The following TET3 variants were observed in gnomAD, a reference collection of about 807,000 sequenced individuals.
TET3 encodes the protein tet methylcytosine dioxygenase 3.
A neutral mutation model predicts 141.4 loss-of-function variants in TET3; 19 were observed. The observed-to-expected ratio is 0.13, with a 90% CI of 0.09 to 0.20. The LOEUF (loss-of-function observed/expected upper bound fraction) is 0.20. Ranked by LOEUF, TET3 falls within the 10% of genes least tolerant of loss-of-function variation. The probability of loss-of-function intolerance (pLI) is 1.00; values close to 1 mark genes in which losing one functional copy is unlikely to be tolerated. For missense variants in TET3, 1,874 were observed against 2,356.9 expected (o/e 0.80, Z 4.24); for synonymous variants, 1,043 against 980.9 (o/e 1.06, Z -1.18).
intron 10 of TET3, among the ~76,000 whole-genome samples, chr2:74,096,864 G>A (rs984014938): frequency 1.3e-5 from 2 of 152,078 alleles, no homozygotes; most frequent in African/African-American, 4.8e-5. Flanking sequence ...GGCTGAGGTG[G>A]GAGGCTCACT....
chr2:74,122,508 TATA>T, the TET3 span: 905 of 86,626 alleles, frequency 0.01, 24 homozygotes, highest in African/African-American at 0.046. Context: ...TATATATATA[TATA>T]TTTTTTTTTT....
chr2:74,113,188 C>T, the TET3 span, among the ~76,000 whole-genome samples: 2 of 151,942 alleles, frequency 1.3e-5, no homozygotes, highest in African/African-American at 4.8e-5. Context: ...AGTTCGAGAC[C>T]AGCCTGGCCA....
intron 4 of TET3, among the ~76,000 whole-genome samples, chr2:74,061,359 C>T (rs1414104825): frequency 4.9e-5 from 6 of 122,210 alleles, no homozygotes; most frequent in Non-Finnish European, 6.9e-5. Flanking sequence ...GGCGGCTGGC[C>T]GGGTGGGGGG....
At chr2:74,089,067 C>T (rs1481417984) in intron 7 of TET3, among the ~76,000 whole-genome samples, 2 of 112,748 alleles carry the variant, frequency 1.8e-5, no homozygotes, top group African/African-American at 7.2e-5. Flanking sequence ...AGCAACAGAA[C>T]AGGATTCCGT....
chr2:74,100,803 G>A lies in TET3; in HGVS notation c.4015G>A (p.Glu1339Lys), dbSNP rs756901932. The A allele has an allele frequency of 2.7e-5, 43 of 1,612,492 alleles. No homozygotes were observed. The highest frequency in any genetic ancestry group is 1.3e-4 in the East Asian group (6 of 44,834). The change falls in exon 12 of 12, where the codon GAG becomes AAG. Residue 1339 changes from glutamate to lysine, a missense_variant. By Grantham distance (56) the Glu-to-Lys change is moderately conservative. Around this residue, in one of 10 missense-constraint regions of TET3, gnomAD observed 602 missense variants for 590.2 expected, o/e 1.02. Coordinates refer to ENST00000409262, the MANE Select transcript of TET3 (RefSeq NM_001287491.2). The stretch of plus-strand genomic sequence containing the variant: ...GGCCTACGGTGGTGCTGAGTTTGCC[G>A]AGCTGCCCAGCCAGGCTGTTCCCAC... ...SPAYGGAEFA[E>K]LPSQAVPTDA...
chr2:74,108,346 T>C (rs1225607519), downstream of TET3, among the ~76,000 whole-genome samples: 1 of 152,234 alleles, frequency 6.6e-6, no homozygotes, highest in African/African-American at 2.4e-5. Flanking sequence ...GATAAAGGAA[T>C]GTTCAGAGGC....
At chr2:74,082,666 CCTT>C (rs1360842032) in intron 6 of TET3, among the ~76,000 whole-genome samples, 1 of 152,108 alleles carries the variant, frequency 6.6e-6, no homozygotes, top group Non-Finnish European at 1.5e-5. Flanking sequence ...CTGGCCATCT[CCTT>C]TAGTGTGGTG....
rs946908644 is a variant in TET3, at chr2:74,034,051, G to A, written c.361-12227G>A. Among the ~76,000 whole-genome samples the A allele has an allele frequency of 1.7e-4, 26 of 151,926 alleles. No homozygotes were observed. The East Asian group carries it at 2.3e-3, about 14-fold the overall frequency. On this transcript the variant is annotated intron_variant, in intron 3 of 11. Transcript: ENST00000409262. ...GCGGAGGTTGCAGTGAGCCGAGATC[G>A]TGCCATTGCACTTTAGTCAGGGCAA...
At chr2:74,015,699 GA>G (rs1339938162) in intron 3 of TET3, among the ~76,000 whole-genome samples, 1 of 151,994 alleles carries the variant, frequency 6.6e-6, no homozygotes, top group Non-Finnish European at 1.5e-5. Flanking sequence ...TTTGTATATA[GA>G]TTTTTTTGGT....
chr2:74,016,788 C>CTT (rs1157485325), intron 3 of TET3, among the ~76,000 whole-genome samples: 4,487 of 122,392 alleles, frequency 0.037, 257 homozygotes, highest in African/African-American at 0.12. Flanking sequence ...GTTCTCCTGT[C>CTT]TTTTTTTTTT....
chr2:73,997,631 C>A (rs1207687212), intron 2 of TET3, among the ~76,000 whole-genome samples: 1 of 152,140 alleles, frequency 6.6e-6, no homozygotes, highest in Admixed American at 6.5e-5. Context: ...AGGCAGCCAG[C>A]CCCTCTCTCT....
Position 73,999,085 on chromosome 2 carries a change from A to C in TET3, c.304-4025A>C, listed in dbSNP as rs115774016. Among the ~76,000 whole-genome samples the C allele has an allele frequency of 3.6e-3, 555 of 152,298 alleles. 3 individuals carry two copies. The highest frequency in any genetic ancestry group is 0.013 in the African/African-American group (528 of 41,554). On this transcript the variant is annotated intron_variant, in intron 2 of 11. Transcript: ENST00000409262. ...GAAGCAGGGCTTAAACAGAGCTTTG[A>C]AGTAAAGCCCTGTGAAGAGTGACCT...
chr2:74,016,904 A>G (rs1183730484), intron 3 of TET3, among the ~76,000 whole-genome samples: 1 of 151,844 alleles, frequency 6.6e-6, no homozygotes, highest in Non-Finnish European at 1.5e-5. Flanking sequence ...AATCAGGGTA[A>G]TGAGAATATC....
chr2:74,051,941 C>T (rs956446883), intron 4 of TET3, among the ~76,000 whole-genome samples: 3 of 152,206 alleles, frequency 2.0e-5, no homozygotes, highest in African/African-American at 7.2e-5. Context: ...GAAACAGCTT[C>T]TGGAGGGCCT....
intron 11 of TET3, 100 bp downstream of exon 11, chr2:74,099,712 G>A (rs1691060012): frequency 2.4e-6 from 3 of 1,244,992 alleles, no homozygotes; most frequent in Non-Finnish European, 3.3e-6. Flanking sequence ...TGGAACTGGG[G>A]CCTCTGCTTA....
chr2:74,089,467 G>A (rs1690353464), intron 7 of TET3, among the ~76,000 whole-genome samples: 2 of 152,158 alleles, frequency 1.3e-5, no homozygotes, highest in African/African-American at 4.8e-5. Flanking sequence ...AGTATACTTT[G>A]TTGAAAGGCC....
Position 73,986,649 on chromosome 2 carries a change from G to T in TET3, c.246G>T (p.Gln82His), listed in dbSNP as rs1432779465. The T allele has an allele frequency of 8.1e-7, 1 of 1,232,040 alleles. No individual in the cohort carries two copies. Among genetic ancestry groups the T allele is most frequent in the Non-Finnish European group, 1.0e-6 (1 of 987,986 alleles). 76.3% of individuals were successfully genotyped at this position (1,232,040 alleles called of 1,614,324 possible). Residue 82 changes from glutamine (Q) to histidine (H), a missense_variant, in exon 2 of 12, where the codon CAG becomes CAT. By Grantham distance (24) the Gln-to-His change is conservative (BLOSUM62 0). Transcript: ENST00000409262. ...GCTGTACCAACCGCCGCACGCACCA[G>T]ATCTGCAAACTGCGAAAATGTGAGG... ...CTSCTNRRTH[Q>H]ICKLRKCEVL...
At chr2:74,045,277 C>T (rs1448436133) in intron 3 of TET3, among the ~76,000 whole-genome samples, 1 of 152,194 alleles carries the variant, frequency 6.6e-6, no homozygotes, top group African/African-American at 2.4e-5. Flanking sequence ...ACTACAGTTA[C>T]TATTGTAATT....
chr2:74,068,106 A>G (rs1689007272), intron 4 of TET3, among the ~76,000 whole-genome samples: 1 of 151,956 alleles, frequency 6.6e-6, no homozygotes, highest in Non-Finnish European at 1.5e-5. Context: ...CCATGAGTAG[A>G]CGCCGTCAGT....
Sources: gnomAD v4.1 joint callset for allele counts (sites outside exome capture counted in the v4.1 genomes callset) on GRCh38, gnomAD v4.1.1 for gene constraint, gnomAD v4.1.1 regional missense constraint, MANE v1.5 for transcripts, NCBI Gene and HGNC (gene_info 2026-07-23, HGNC 2026-07-21) for gene names.